DENND4C: variants seen among roughly 807,000 people sequenced by gnomAD.
DENND4C encodes the protein DENN domain containing 4C.
In DENND4C, 108 loss-of-function variants were observed where a neutral mutation model predicts 203.0. That is an observed-to-expected ratio of 0.53 (90% confidence interval 0.46 to 0.62). The LOEUF (loss-of-function observed/expected upper bound fraction) is 0.62. Among genes scored for constraint, DENND4C ranks in the 20% least tolerant of loss-of-function variants. The probability of loss-of-function intolerance (pLI) is 0.00; values close to 1 mark genes in which losing one functional copy is unlikely to be tolerated. For synonymous variants in DENND4C, 871 were observed against 792.4 expected (o/e 1.10, Z -1.67); for missense variants, 2,481 against 2,301.2 (o/e 1.08, Z -1.60).
At chr9:19,357,549 T>C (rs1402103393) in intron 27 of DENND4C, 1 of 209,854 alleles carries the variant, frequency 4.8e-6, no homozygotes, top group African/African-American at 2.3e-5. Flanking sequence ...AATAAAAAAG[T>C]AAATATGACT....
chr9:19,354,484 G>A (rs1824901246), intron 26 of DENND4C, among the ~76,000 whole-genome samples: 1 of 150,922 alleles, frequency 6.6e-6, no homozygotes, highest in South Asian at 2.1e-4. Context: ...TTAAATTTTG[G>A]CATTGTTTGA....
In DENND4C at chr9:19,272,619, C is replaced by A. The variant is rs138761675; in HGVS notation, c.-17-3539C>A. On this transcript the variant is annotated intron_variant, in intron 1 of 32. Transcript: ENST00000434457. ...GATATCCATATGTAAAAAAATGAAT[C>A]TTCATTTATACCTCACGCCATATGC... 2.7e-4 allele frequency among the ~76,000 whole-genome samples: 41 copies of A among 152,076 alleles called. No individual in the cohort carries two copies. The South Asian group carries it at 2.7e-3, about 10-fold the overall frequency.
Position 19,352,053 on chromosome 9 carries a change from C to G in DENND4C, c.4496-20C>G, listed in dbSNP as rs376305311. 6.3e-7 allele frequency: 1 copy of G among 1,578,168 alleles called. No individual in the cohort carries two copies. The highest frequency in any genetic ancestry group is 1.3e-5 in the African/African-American group (1 of 74,174). ...AGGACATTCCTTACTTAAGGTATTA[C>G]GATGTATATTCCTTTGTAGGTGAAG... is the stretch of plus-strand genomic sequence containing the variant. On this transcript the variant is annotated intron_variant, in intron 24 of 32. Coordinates refer to ENST00000434457, the MANE Select transcript of DENND4C (RefSeq NM_001330640.2).
chr9:19,324,313 T>C (rs1030330349), intron 12 of DENND4C, 49 bp from the exon 13 acceptor site: 72 of 1,427,024 alleles, frequency 5.0e-5, no homozygotes, highest in Non-Finnish European at 6.5e-5. Flanking sequence ...TCCTATAATA[T>C]CGAATTCCAG....
intron 14 of DENND4C, 36 bp downstream of exon 14, chr9:19,326,010 A>T (rs1332862036): frequency 6.2e-7 from 1 of 1,608,508 alleles, no homozygotes; most frequent in East Asian, 2.2e-5. Context: ...TTGAAATTTC[A>T]GAATTAGATC....
At chr9:19,295,949 G>C (rs1447729521) in intron 5 of DENND4C, 59 bp from the exon 6 acceptor site, 2 of 1,276,874 alleles carry the variant, frequency 1.6e-6, no homozygotes, top group Non-Finnish European at 2.2e-6. Flanking sequence ...AAGAAAAAAA[G>C]AGAAGTTAAT....
chr9:19,362,273 C>G (rs771125203), intron 30 of DENND4C, among the ~76,000 whole-genome samples: 9 of 151,922 alleles, frequency 5.9e-5, no homozygotes, highest in Non-Finnish European at 8.8e-5. Context: ...GATTGTATCT[C>G]AAACAAAACA....
At chr9:19,345,822 G>T in intron 22 of DENND4C, 99 bp from the exon 23 acceptor site, 1 of 1,117,476 alleles carries the variant, frequency 8.9e-7, no homozygotes. Flanking sequence ...CTTTTATTCT[G>T]AGTATATGTC....
At chr9:19,234,356 G>T (rs1045689945) in intron 1 of DENND4C, among the ~76,000 whole-genome samples, 36 of 151,234 alleles carry the variant, frequency 2.4e-4, no homozygotes, top group African/African-American at 8.5e-4. Flanking sequence ...TCACCCTCCC[G>T]AGTAGCTGGG....
At chr9:19,361,307 A>G (rs909069461) in intron 29 of DENND4C, among the ~76,000 whole-genome samples, 8 of 152,212 alleles carry the variant, frequency 5.3e-5, no homozygotes, top group Admixed American at 3.3e-4. Flanking sequence ...GACATACCTA[A>G]TAAGTGATGG....
intron 1 of DENND4C, among the ~76,000 whole-genome samples, chr9:19,236,716 T>C (rs1822053415): frequency 6.6e-6 from 1 of 152,152 alleles, no homozygotes; most frequent in Admixed American, 6.6e-5. Flanking sequence ...TTGAGAACTG[T>C]TACATAATAC....
At chr9:19,271,538 G>C (rs896208745) in intron 1 of DENND4C, among the ~76,000 whole-genome samples, 44 of 152,240 alleles carry the variant, frequency 2.9e-4, no homozygotes, top group African/African-American at 9.4e-4. Context: ...GAAATGCAAA[G>C]GACCTAGTAT....
Position 19,374,255 on chromosome 9 carries a change from A to T in DENND4C, c.*2082A>T, listed in dbSNP as rs182958765. Among the ~76,000 whole-genome samples the T allele has an allele frequency of 3.3e-4, 51 of 152,314 alleles. No individual in the cohort carries two copies. Among genetic ancestry groups the T allele is most frequent in the Admixed American group, 1.3e-3 (20 of 15,292 alleles). On this transcript the variant is annotated 3_prime_UTR_variant, in exon 33 of 33. Coordinates refer to ENST00000434457, the MANE Select transcript of DENND4C (RefSeq NM_001330640.2). ...TACTGACGCGCTTCCCATTAAAAAAAATCTGTAAAGATCTCTACCTTGAAA... is the reference window on the plus strand; with the variant it reads ...TACTGACGCGCTTCCCATTAAAAAATATCTGTAAAGATCTCTACCTTGAAA...
At chr9:19,248,394 T>C (rs753690590) in intron 1 of DENND4C, among the ~76,000 whole-genome samples, 5 of 152,144 alleles carry the variant, frequency 3.3e-5, no homozygotes, top group Non-Finnish European at 7.4e-5. Flanking sequence ...CTTACTTCTT[T>C]TTTTTTTATT....
At chr9:19,251,572 A>T (rs1826605147) in intron 1 of DENND4C, among the ~76,000 whole-genome samples, 1 of 152,198 alleles carries the variant, frequency 6.6e-6, no homozygotes. Flanking sequence ...CATTGTCAGG[A>T]TGCAAATTTT....
chr9:19,340,723 C>G (rs1005169674), intron 20 of DENND4C, among the ~76,000 whole-genome samples: 1 of 152,116 alleles, frequency 6.6e-6, no homozygotes, highest in Admixed American at 6.5e-5. Context: ...AAAGAGACTT[C>G]CAAACATCTT....
chr9:19,294,648 C>T (rs936692949), intron 5 of DENND4C, among the ~76,000 whole-genome samples: 17 of 152,018 alleles, frequency 1.1e-4, no homozygotes, highest in Non-Finnish European at 2.2e-4. Context: ...CGTGCATCAA[C>T]GTATGAATGG....
chr9:19,313,237 G>C (rs1841097606), intron 10 of DENND4C, among the ~76,000 whole-genome samples: 1 of 151,978 alleles, frequency 6.6e-6, no homozygotes, highest in South Asian at 2.1e-4. Flanking sequence ...CAGTAAAGTA[G>C]ACTTTAAAAT....
At position 19,324,386 on chromosome 9, in the gene DENND4C, C is replaced by G; in HGVS notation, c.1832C>G (p.Ala611Gly). The stretch of plus-strand genomic sequence containing the variant: ...GGATTTTTAAAAAGTCGAGATCGTG[C>G]CTATGCAAAATTCTATACCCTTTTA... ...RQGFLKSRDR[A>G]YAKFYTLLSK... is the part of the protein sequence containing the mutation. The change falls in exon 13 of 33, where the codon GCC becomes GGC. Residue 611 changes from alanine (A) to glycine (G), a missense_variant. Coordinates refer to ENST00000434457, the MANE Select transcript of DENND4C (RefSeq NM_001330640.2). The G allele has an allele frequency of 6.2e-7, 1 of 1,604,416 alleles. No homozygotes were observed. Among genetic ancestry groups the G allele is most frequent in the Non-Finnish European group, 8.5e-7 (1 of 1,177,488 alleles).
Sources: allele counts gnomAD v4.1 joint callset (sites outside exome capture counted in the v4.1 genomes callset), GRCh38; gene constraint gnomAD v4.1.1; transcripts MANE v1.5; gene names NCBI Gene and HGNC (gene_info 2026-07-23, HGNC 2026-07-21).